The following DRC8 variants were observed in gnomAD, a reference collection of about 807,000 sequenced individuals.
DRC8 encodes dynein regulatory complex protein 8.
At chr1:244,976,961 A>G in the DRC8 span, among the ~76,000 whole-genome samples, 6 of 152,250 alleles carry the variant, frequency 3.9e-5, no homozygotes, top group African/African-American at 1.4e-4. Flanking sequence ...TTCAGCCTTC[A>G]AAGGAGGAAA....
chr1:245,049,534 G>A, the DRC8 span, among the ~76,000 whole-genome samples: 1 of 152,138 alleles, frequency 6.6e-6, no homozygotes, highest in Non-Finnish European at 1.5e-5. The surrounding 1 kb of genome is among the most constrained non-coding windows in gnomAD (Gnocchi z 4.5). Context: ...CTGTACTCAT[G>A]ACATGTATGT....
the DRC8 span, among the ~76,000 whole-genome samples, chr1:245,067,716 G>A: frequency 2.0e-5 from 3 of 152,196 alleles, no homozygotes; most frequent in Non-Finnish European, 2.9e-5. Flanking sequence ...ATTTCTATCA[G>A]CCTGTGCCTG....
At chr1:245,077,950 C>A in the DRC8 span, among the ~76,000 whole-genome samples, 1 of 151,960 alleles carries the variant, frequency 6.6e-6, no homozygotes, top group Admixed American at 6.6e-5. Context: ...ATGTTGCAAA[C>A]CATACATTTG....
At chr1:244,982,316 T>C in the DRC8 span, among the ~76,000 whole-genome samples, 2 of 152,144 alleles carry the variant, frequency 1.3e-5, no homozygotes, top group African/African-American at 4.8e-5. Context: ...GACTTAGATA[T>C]ATGATAATGG....
chr1:245,085,367 C>G, the DRC8 span, among the ~76,000 whole-genome samples: 5 of 152,136 alleles, frequency 3.3e-5, no homozygotes, highest in Non-Finnish European at 7.3e-5. Flanking sequence ...TTCTGTCACA[C>G]ATGGTAGATA....
At chr1:245,011,184 A>G in the DRC8 span, among the ~76,000 whole-genome samples, 1 of 152,212 alleles carries the variant, frequency 6.6e-6, no homozygotes, top group Non-Finnish European at 1.5e-5. Flanking sequence ...TAATTTGTAG[A>G]TGAAACAAAG....
chr1:245,075,350 A>C, the DRC8 span, among the ~76,000 whole-genome samples: 1 of 152,232 alleles, frequency 6.6e-6, no homozygotes, highest in Non-Finnish European at 1.5e-5. Context: ...AAGTAGAGTG[A>C]GAAGCACAGT....
chr1:245,057,727 A>G, the DRC8 span, among the ~76,000 whole-genome samples: 1 of 152,006 alleles, frequency 6.6e-6, no homozygotes, highest in Non-Finnish European at 1.5e-5. Context: ...CCTGCATACA[A>G]TGTGTAATGA....
At chr1:245,109,162 C>T in the DRC8 span, among the ~76,000 whole-genome samples, 10 of 152,174 alleles carry the variant, frequency 6.6e-5, no homozygotes, top group African/African-American at 1.9e-4. Flanking sequence ...GCCTGAGGGG[C>T]GAGAGAGCTC....
At chr1:244,998,215 C>A in the DRC8 span, among the ~76,000 whole-genome samples, 56 of 151,936 alleles carry the variant, frequency 3.7e-4, no homozygotes, top group South Asian at 1.7e-3. Flanking sequence ...TTTTATTTTT[C>A]TTTTTTCTTT....
At chr1:245,097,100 CGGGAGTA>C in the DRC8 span, among the ~76,000 whole-genome samples, 1 of 152,078 alleles carries the variant, frequency 6.6e-6, no homozygotes, top group Non-Finnish European at 1.5e-5. The surrounding 1 kb of genome is among the most constrained non-coding windows in gnomAD (Gnocchi z 5.0). Context: ...ATAGGATGTC[CGGGAGTA>C]GGGAAGTCCA....
the DRC8 span, among the ~76,000 whole-genome samples, chr1:245,046,585 G>T: frequency 1.3e-5 from 2 of 152,192 alleles, no homozygotes; most frequent in African/African-American, 4.8e-5. Flanking sequence ...CGAGGATAGT[G>T]CATAGGATCA....
the DRC8 span, among the ~76,000 whole-genome samples, chr1:245,061,487 A>G: frequency 3.9e-5 from 6 of 152,294 alleles, no homozygotes; most frequent in East Asian, 1.2e-3. Context: ...AGCTCTGTAA[A>G]TATTTTTCTA....
the DRC8 span, among the ~76,000 whole-genome samples, chr1:245,058,320 T>C: frequency 6.6e-6 from 1 of 152,254 alleles, no homozygotes; most frequent in Non-Finnish European, 1.5e-5. Flanking sequence ...GGAAATATAC[T>C]TGACATGAGG....
At chr1:244,984,846 C>T in the DRC8 span, among the ~76,000 whole-genome samples, 1 of 93,046 alleles carries the variant, frequency 1.1e-5, no homozygotes, top group South Asian at 6.7e-4. Context: ...AAACACCCCC[C>T]CTTCAAAAAA....
At chr1:245,054,004 A>C in the DRC8 span, among the ~76,000 whole-genome samples, 1 of 147,478 alleles carries the variant, frequency 6.8e-6, no homozygotes, top group Non-Finnish European at 1.5e-5. Flanking sequence ...CAACGCCCGC[A>C]TCAGCCTTCT....
chr1:245,117,375 T>C, the DRC8 span, among the ~76,000 whole-genome samples: 1 of 152,058 alleles, frequency 6.6e-6, no homozygotes, highest in African/African-American at 2.4e-5. Context: ...TTTTGATAAA[T>C]GATAACAGAG....
chr1:245,006,140 T>C, the DRC8 span, among the ~76,000 whole-genome samples: 9 of 152,256 alleles, frequency 5.9e-5, no homozygotes, highest in East Asian at 1.9e-4. Flanking sequence ...TTGCGAACCA[T>C]TGGAGGATTT....
chr1:244,980,205 C>T, the DRC8 span, among the ~76,000 whole-genome samples: 3 of 135,712 alleles, frequency 2.2e-5, no homozygotes, highest in African/African-American at 8.6e-5. Context: ...GGCAACACAG[C>T]GAGACTCCGT....
Sources: allele counts gnomAD v4.1 joint callset (sites outside exome capture counted in the v4.1 genomes callset), GRCh38; gene constraint gnomAD v4.1.1; non-coding constraint Gnocchi (gnomAD v3.1); transcripts MANE v1.5; gene names NCBI Gene and HGNC (gene_info 2026-07-23, HGNC 2026-07-21).